The following PHACTR3 variants were observed in gnomAD, a reference collection of about 807,000 sequenced individuals.
PHACTR3 encodes protein phosphatase 1, regulatory subunit 123.
Under a neutral mutation model 66.8 loss-of-function variants are expected in PHACTR3, and 16 were observed. The observed-to-expected ratio is 0.24, with a 90% confidence interval of 0.16 to 0.36. The LOEUF (loss-of-function observed/expected upper bound fraction) is 0.36. Ranked by LOEUF, PHACTR3 falls within the 10% of genes least tolerant of loss-of-function variation. The pLI is 1.00. For synonymous variants in PHACTR3, 323 were observed against 292.1 expected, an observed-to-expected ratio of 1.11 and a Z score of -1.08; for missense variants, 647 against 719.9, an observed-to-expected ratio of 0.90 and a Z score of 1.16.
intron 8 of PHACTR3, among the ~76,000 whole-genome samples, chr20:59,821,367 G>A (rs971822293): frequency 1.3e-5 from 2 of 152,152 alleles, no homozygotes; most frequent in African/African-American, 2.4e-5. Context: ...CCCTTATGCC[G>A]GTGTTGATCC....
In PHACTR3 at chr20:59,756,043, G is replaced by A. The variant is rs114548074; in HGVS notation, c.541+679G>A. 6.4e-3 allele frequency among the ~76,000 whole-genome samples: 966 copies of A among 152,096 alleles called. 13 individuals are homozygous for A. Among genetic ancestry groups the A allele is most frequent in the African/African-American group, 0.022 (926 of 41,534 alleles). On this transcript the variant is annotated intron_variant, in intron 4 of 12. Coordinates refer to ENST00000371015, the MANE Select transcript of PHACTR3 (RefSeq NM_080672.5). Reference sequence around the variant, plus strand: ...ACGTGTAGAGTGACTATTATCAAAGGCAGTAGGGGCTTTGCGTAGTGGTGG... The same window carrying A: ...ACGTGTAGAGTGACTATTATCAAAGACAGTAGGGGCTTTGCGTAGTGGTGG...
chr20:59,639,940 C>T (rs551316598), intron 1 of PHACTR3, among the ~76,000 whole-genome samples: 31 of 152,332 alleles, frequency 2.0e-4, no homozygotes, highest in African/African-American at 7.0e-4. Flanking sequence ...CCATGATGCC[C>T]CTAGGCCGAC....
At chr20:59,669,066 A>G (rs2146499842) in intron 1 of PHACTR3, among the ~76,000 whole-genome samples, 1 of 152,156 alleles carries the variant, frequency 6.6e-6, no homozygotes, top group East Asian at 1.9e-4. Flanking sequence ...AAGTTTTAGT[A>G]TAAGACTGAT....
At chr20:59,583,686 A>G (rs1354866970) in intron 1 of PHACTR3, among the ~76,000 whole-genome samples, 11 of 152,182 alleles carry the variant, frequency 7.2e-5, no homozygotes, top group African/African-American at 2.7e-4. Flanking sequence ...GAAAACAACA[A>G]CGGTACACTT....
chr20:59,784,313 G>C (rs1013997941), intron 7 of PHACTR3, among the ~76,000 whole-genome samples: 1 of 131,262 alleles, frequency 7.6e-6, no homozygotes, highest in African/African-American at 4.1e-5. Flanking sequence ...TGTGTGTGTG[G>C]ATGTATATAT....
chr20:59,624,672 G>T (rs1029527296), intron 1 of PHACTR3, among the ~76,000 whole-genome samples: 37 of 152,178 alleles, frequency 2.4e-4, no homozygotes, highest in African/African-American at 8.4e-4. Flanking sequence ...ACCATTCTCT[G>T]GGCCTACCCA....
At chr20:59,822,636 G>A (rs2042083032) in intron 8 of PHACTR3, among the ~76,000 whole-genome samples, 3 of 152,142 alleles carry the variant, frequency 2.0e-5, no homozygotes, top group African/African-American at 7.2e-5. Flanking sequence ...TGCAGATGAG[G>A]TGCGCCTGTC....
chr20:59,788,565 C>T (rs1257022649), intron 7 of PHACTR3, among the ~76,000 whole-genome samples: 1 of 152,210 alleles, frequency 6.6e-6, no homozygotes, highest in Non-Finnish European at 1.5e-5. Context: ...CTTCCTGGCT[C>T]CTTCCTTTGC....
chr20:59,619,088 G>A (rs185244534), intron 1 of PHACTR3, among the ~76,000 whole-genome samples: 104 of 152,304 alleles, frequency 6.8e-4, no homozygotes, highest in Non-Finnish European at 1.0e-4. Context: ...GTGAGCAAAT[G>A]TGGAAGGGAG....
rs549564068 is a variant in PHACTR3 at position 59,579,217 on chromosome 20, G to A, written c.109+1600G>A. ...CCCATGTTCTGCCTGCAGTAATTAC[G>A]CAACTCCTCACCTGTTCCTTGTGCT... On this transcript the variant is annotated intron_variant, in intron 1 of 12. Transcript: ENST00000359926. 2.6e-5 allele frequency among the ~76,000 whole-genome samples: 4 copies of A among 152,330 alleles called. No homozygotes were observed. In the South Asian group the frequency reaches 6.2e-4, roughly 24 times the overall value.
intron 1 of PHACTR3, among the ~76,000 whole-genome samples, chr20:59,732,071 C>A (rs1201935758): frequency 6.6e-6 from 1 of 152,114 alleles, no homozygotes; most frequent in Non-Finnish European, 1.5e-5. Context: ...CAACTGAATA[C>A]GATTTCTTCC....
chr20:59,602,977 C>T (rs1162037196), upstream of PHACTR3, among the ~76,000 whole-genome samples: 1 of 152,164 alleles, frequency 6.6e-6, no homozygotes, highest in Non-Finnish European at 1.5e-5. Flanking sequence ...GCCTTCATCT[C>T]AAAAGTGGAG....
At chr20:59,836,671 C>G (rs1350457830) in intron 9 of PHACTR3, 111 bp downstream of exon 9, 3 of 1,059,916 alleles carry the variant, frequency 2.8e-6, no homozygotes, top group African/African-American at 1.7e-5. Flanking sequence ...ATGCTCCATG[C>G]TCCCAGTAAA....
At chr20:59,822,126 CTCCG>C (rs2042061058) in intron 8 of PHACTR3, among the ~76,000 whole-genome samples, 1 of 55,162 alleles carries the variant, frequency 1.8e-5, no homozygotes. Context: ...ATCCCACCCC[CTCCG>C]CAGCGATCCC....
intron 1 of PHACTR3, chr20:59,721,171 A>G (rs2038280040): frequency 6.6e-6 from 1 of 152,282 alleles, no homozygotes; most frequent in Non-Finnish European, 1.5e-5. Context: ...CAGAGAGGTT[A>G]TGTAACTTGC....
At chr20:59,847,063 A>T in intron 12 of PHACTR3, 52 bp from the exon 13 acceptor site, 3 of 1,333,612 alleles carry the variant, frequency 2.2e-6, no homozygotes, top group Non-Finnish European at 3.2e-6. Flanking sequence ...TGGCTATTTT[A>T]ACTGCTAGAA....
At chr20:59,806,323 C>A (rs1043251204) in intron 8 of PHACTR3, 129 bp downstream of exon 8, 19 of 1,220,426 alleles carry the variant, frequency 1.6e-5, no homozygotes, top group Non-Finnish European at 1.9e-5. Flanking sequence ...GGTCTCTTGA[C>A]CCCGCCACCG....
intron 8 of PHACTR3, among the ~76,000 whole-genome samples, chr20:59,834,909 C>T (rs183859031): frequency 2.6e-5 from 4 of 152,276 alleles, no homozygotes; most frequent in African/African-American, 4.8e-5. Context: ...AATACACTAA[C>T]GATAGGTGAT....
At chr20:59,685,057 C>T (rs2036810321) in intron 1 of PHACTR3, among the ~76,000 whole-genome samples, 1 of 152,130 alleles carries the variant, frequency 6.6e-6, no homozygotes, top group Admixed American at 6.5e-5. Flanking sequence ...ACTTGTGGCT[C>T]CAGGGCCCCC....
Sources: gnomAD v4.1 joint callset for allele counts (sites outside exome capture counted in the v4.1 genomes callset) on GRCh38, gnomAD v4.1.1 for gene constraint, MANE v1.5 for transcripts, NCBI Gene and HGNC (gene_info 2026-07-23, HGNC 2026-07-21) for gene names.